Variants in MX1 observed in about 807,000 individuals in gnomAD.
MX1 encodes interferon-induced GTP-binding protein Mx1.
In MX1, 66 loss-of-function variants were observed where a neutral mutation model predicts 66.4. The ratio of observed to expected loss-of-function variants is 0.99; its 90% CI spans 0.82 to 1.22. The LOEUF (loss-of-function observed/expected upper bound fraction) is 1.22. Ranked by LOEUF, MX1 falls within the 50% of genes most tolerant of loss-of-function variation. The pLI is 0.00. For missense variants in MX1, 787 were observed against 834.3 expected, an observed-to-expected ratio of 0.94 and a Z score of 0.70; for synonymous variants, 311 against 318.1, an observed-to-expected ratio of 0.98 and a Z score of 0.24.
chr21:41,440,407 C>G (rs1427123442), intron 8 of MX1, among the ~76,000 whole-genome samples: 2 of 151,994 alleles, frequency 1.3e-5, no homozygotes, highest in Non-Finnish European at 2.9e-5. Flanking sequence ...ATTGCTTGAA[C>G]CAGGGAGGCT....
chr21:41,424,175 T>A (rs1296999363), upstream of MX1, among the ~76,000 whole-genome samples: 1 of 152,028 alleles, frequency 6.6e-6, no homozygotes, highest in African/African-American at 2.4e-5. Context: ...TCCCCCAGGA[T>A]GTGCTGTTGC....
rs748742402 is a variant in MX1 at position 41,440,890 on chromosome 21, A to G, written c.595A>G (p.Lys199Glu). The G allele has an allele frequency of 6.2e-7, 1 of 1,614,052 alleles. No homozygotes were observed. The highest frequency in any genetic ancestry group is 1.3e-5 in the African/African-American group (1 of 74,934). The change falls in exon 9 of 17, where the codon AAG becomes GAG. Residue 199 changes from lysine to glutamate, a missense_variant. Physicochemically the swap from Lys to Glu is moderately conservative, Grantham distance 56 (BLOSUM62 1). Coordinates refer to ENST00000398598, the MANE Select transcript of MX1 (RefSeq NM_002462.5). ...ACCTCCTCTCATTTCCTTACAGATCAAGACACTCATCAAGAAGTACATCCA... is the reference window on the plus strand; with the variant it reads ...ACCTCCTCTCATTTCCTTACAGATCGAGACACTCATCAAGAAGTACATCCA... ...NQPADIGYKI[K>E]TLIKKYIQRQ...
intron 5 of MX1, among the ~76,000 whole-genome samples, chr21:41,432,502 A>G (rs762469673): frequency 4.6e-5 from 7 of 152,222 alleles, no homozygotes; most frequent in Non-Finnish European, 7.3e-5. Flanking sequence ...ATCATGATTC[A>G]GTCTCAAGCT....
rs940488528 is a variant in MX1 at position 41,436,165 on chromosome 21, C to A, written c.298+136C>A. 5.7e-6 allele frequency: 6 copies of A among 1,060,198 alleles called. No individual in the cohort carries two copies. The African/African-American group carries it at 6.4e-5, about 11-fold the overall frequency. 65.7% of individuals were successfully genotyped at this position (1,060,198 alleles called of 1,614,324 possible). ...GTCCAAAATCAGGGTTTAGCTTCTC[C>A]TGAGGCCTTTCTCCATGGCTTGCAG... is the stretch of plus-strand genomic sequence containing the variant. On this transcript the variant is annotated intron_variant, in intron 6 of 16. Transcript: ENST00000398598.
At position 41,427,860 on chromosome 21, in the gene MX1, T is replaced by G. The variant is rs1025549946; in HGVS notation, c.-104T>G. 2 of 152,292 alleles carry G rather than the reference T, an allele frequency of 1.3e-5. No homozygotes were observed. The highest frequency in any genetic ancestry group is 1.5e-5 in the Non-Finnish European group (1 of 68,086). The allele number at this position is 152,292 out of a possible 1,614,324, so 9.4% of individuals were successfully genotyped here. The stretch of plus-strand genomic sequence containing the variant: ...GAAGAACGCCGCCATCCAGCCACCA[T>G]TCCAAGGTAAGGCAGAAATGAAGTG... On this transcript the variant is annotated 5_prime_UTR_variant, in exon 3 of 17. Coordinates refer to ENST00000398598, the MANE Select transcript of MX1 (RefSeq NM_002462.5).
chr21:41,430,978 A>G (rs971637750), intron 4 of MX1, among the ~76,000 whole-genome samples: 2 of 152,206 alleles, frequency 1.3e-5, no homozygotes, highest in Middle Eastern at 3.2e-3. Flanking sequence ...TCTTGGCTAC[A>G]TTGGAAACAG....
intron 4 of MX1, among the ~76,000 whole-genome samples, chr21:41,431,481 AT>A (rs57746167): frequency 2.6e-4 from 38 of 148,138 alleles, no homozygotes; most frequent in Admixed American, 3.4e-4. Flanking sequence ...GGCATATTCT[AT>A]TTTTTTTTTT....
rs138580258 is a variant in MX1 at position 41,443,723 on chromosome 21, CA to C, written c.930-60del. ...AATTTGCCTTGACTTTCCCCAACAG[CA>C]AAAAGGCAGACATGCGTGTTCTGGC... On this transcript the variant is annotated intron_variant, in intron 10 of 16. Transcript: ENST00000398598. The C allele has an allele frequency of 2.5e-4, 385 of 1,523,608 alleles. 2 individuals carry two copies. The East Asian group carries it at 7.6e-3, about 30-fold the overall frequency. The allele number at this position is 1,523,608 out of a possible 1,614,324, so 94.4% of individuals were successfully genotyped here.
At chr21:41,445,750 G>A in intron 12 of MX1, 180 bp downstream of exon 12, 1 of 885,970 alleles carries the variant, frequency 1.1e-6, no homozygotes, top group Non-Finnish European at 1.7e-6. Flanking sequence ...ATGTGGGGGT[G>A]GAGTCAGCAG....
At chr21:41,439,421 C>T (rs2090444979) in intron 7 of MX1, among the ~76,000 whole-genome samples, 1 of 152,168 alleles carries the variant, frequency 6.6e-6, no homozygotes, top group Non-Finnish European at 1.5e-5. Flanking sequence ...GAACTTCTTG[C>T]CTCCGCCCAG....
intron 10 of MX1, among the ~76,000 whole-genome samples, chr21:41,442,901 G>T (rs558119272): frequency 1.3e-5 from 2 of 152,316 alleles, no homozygotes; most frequent in Admixed American, 6.5e-5. Flanking sequence ...GAGGTCCCTG[G>T]AGTAGTCAGA....
At chr21:41,451,122 C>A (rs2090811292) in intron 14 of MX1, 45 bp from the exon 15 acceptor site, 3 of 1,332,698 alleles carry the variant, frequency 2.3e-6, no homozygotes, top group East Asian at 2.3e-5. Context: ...AAGAAGAGAA[C>A]AAATGATCCT....
chr21:41,423,581 G>T (rs2090015063), upstream of MX1, among the ~76,000 whole-genome samples: 1 of 152,168 alleles, frequency 6.6e-6, no homozygotes, highest in South Asian at 2.1e-4. Context: ...GTGTTTAAAG[G>T]TGGATGTGGT....
intron 16 of MX1, among the ~76,000 whole-genome samples, chr21:41,456,369 G>A (rs1422823167): frequency 6.6e-6 from 1 of 152,234 alleles, no homozygotes; most frequent in African/African-American, 2.4e-5. Context: ...TCCCAGGGCA[G>A]GCCAGCAGGA....
At chr21:41,445,349 T>G in intron 11 of MX1, 99 bp from the exon 12 acceptor site, 2 of 1,409,996 alleles carry the variant, frequency 1.4e-6, no homozygotes, top group Admixed American at 4.1e-5. Flanking sequence ...GGAAGTCAAA[T>G]GGCCCACACA....
At chr21:41,424,263 T>TG (rs2090023200), upstream of MX1, among the ~76,000 whole-genome samples, 1 of 109,490 alleles carries the variant, frequency 9.1e-6, no homozygotes, top group African/African-American at 5.3e-5. Context: ...GTGTGTGTGT[T>TG]AAAGTGAGGT....
At chr21:41,446,205 A>G (rs364199) in intron 13 of MX1, 64 bp downstream of exon 13, 804,209 of 1,413,944 alleles carry the variant, frequency 0.57, 232,354 homozygotes, top group Non-Finnish European at 0.61. Flanking sequence ...GGTCATTTAT[A>G]AACAGTAGAA....
chr21:41,444,318 CTTTTTTTTTTTTT>C (rs11317486), intron 11 of MX1, among the ~76,000 whole-genome samples: 2 of 71,526 alleles, frequency 2.8e-5, no homozygotes, highest in African/African-American at 6.2e-5. Flanking sequence ...TCTTTTCTTT[CTTTTTTTTTTTTT>C]TTTTTTTTTT....
chr21:41,457,483 T>C (rs902557085), intron 16 of MX1, among the ~76,000 whole-genome samples: 1 of 152,194 alleles, frequency 6.6e-6, no homozygotes, highest in Non-Finnish European at 1.5e-5. Context: ...AGTTCTTTGA[T>C]GTCAAGAATG....
Sources: gnomAD v4.1 joint callset for allele counts (sites outside exome capture counted in the v4.1 genomes callset) on GRCh38, gnomAD v4.1.1 for gene constraint, MANE v1.5 for transcripts, NCBI Gene and HGNC (gene_info 2026-07-23, HGNC 2026-07-21) for gene names.